VRK2: variants seen among roughly 807,000 people sequenced by gnomAD.
The protein encoded by VRK2 is serine/threonine-protein kinase VRK2.
In VRK2, 60 loss-of-function variants were observed where a neutral mutation model predicts 57.6. That is an observed-to-expected ratio of 1.04 (90% confidence interval 0.85 to 1.29). The LOEUF is 1.29. VRK2 is among the 50% of genes most tolerant of loss of function. VRK2 has a pLI of 0.00. For missense variants in VRK2, 705 were observed against 588.1 expected, an observed-to-expected ratio of 1.20 and a Z score of -2.06; for synonymous variants, 231 against 199.2, an observed-to-expected ratio of 1.16 and a Z score of -1.35.
chr2:57,993,834 A>G (rs911866265), intron 1 of VRK2, among the ~76,000 whole-genome samples: 6 of 152,222 alleles, frequency 3.9e-5, no homozygotes, highest in African/African-American at 1.4e-4. Context: ...GCATAGCAAC[A>G]TCAGGGTATG....
At chr2:57,965,263 A>G (rs1236488862) in intron 1 of VRK2, among the ~76,000 whole-genome samples, 2 of 152,226 alleles carry the variant, frequency 1.3e-5, no homozygotes, top group Admixed American at 1.3e-4. Flanking sequence ...AGTCCTGGAG[A>G]TATTTTTCTG....
intron 1 of VRK2, among the ~76,000 whole-genome samples, chr2:57,930,021 C>G (rs1189370060): frequency 6.6e-6 from 1 of 152,040 alleles, no homozygotes; most frequent in African/African-American, 2.4e-5. Flanking sequence ...GCTGCACCAC[C>G]TGGGGCTGGG....
chr2:58,055,147 T>C (rs1676326074), intron 2 of VRK2, among the ~76,000 whole-genome samples: 1 of 152,172 alleles, frequency 6.6e-6, no homozygotes, highest in Admixed American at 6.5e-5. Context: ...GAAGTGACTT[T>C]TGCTGCGTTC....
chr2:58,089,666 T>C lies in VRK2; in HGVS notation c.486T>C (p.Tyr162=). 6.2e-7 allele frequency: 1 copy of C among 1,607,554 alleles called. No individual in the cohort carries two copies. The highest frequency in any genetic ancestry group is 8.5e-7 in the Non-Finnish European group (1 of 1,176,070). ...TGGAATATATACATGAAAATGAATA[T>C]GTTCATGGTGATATAAAAGCAGCAA... is the stretch of plus-strand genomic sequence containing the variant. The part of the protein sequence containing the change: ...DVLEYIHENE[Y]VHGDIKAANL... Residue 162 remains tyrosine (Y), a synonymous_variant, in exon 7 of 13, where the codon TAT becomes TAC. Transcript: ENST00000340157.
intron 7 of VRK2, among the ~76,000 whole-genome samples, chr2:58,117,651 C>G (rs1215815298): frequency 6.6e-6 from 1 of 151,800 alleles, no homozygotes; most frequent in African/African-American, 2.4e-5. Flanking sequence ...CCATTTGCCC[C>G]TTTTACGACA....
At chr2:58,072,619 G>T (rs1422493598) in intron 2 of VRK2, among the ~76,000 whole-genome samples, 1 of 151,870 alleles carries the variant, frequency 6.6e-6, no homozygotes, top group Non-Finnish European at 1.5e-5. Context: ...CCATTAAGTT[G>T]TGGTGTTTAA....
chr2:58,143,975 A>G (rs894510621), intron 11 of VRK2, among the ~76,000 whole-genome samples: 2 of 151,482 alleles, frequency 1.3e-5, no homozygotes, highest in African/African-American at 2.4e-5. Context: ...ATATATATGT[A>G]TATATGCACA....
At chr2:58,095,415 T>G (rs748828685) in intron 7 of VRK2, among the ~76,000 whole-genome samples, 1 of 152,098 alleles carries the variant, frequency 6.6e-6, no homozygotes, top group East Asian at 1.9e-4. Context: ...GAACAAGGAA[T>G]GTTTCTGTTT....
At chr2:58,089,403 C>G (rs529781370) in intron 6 of VRK2, among the ~76,000 whole-genome samples, 2 of 152,062 alleles carry the variant, frequency 1.3e-5, no homozygotes, top group Admixed American at 1.3e-4. Flanking sequence ...GATTTTCTTC[C>G]TTTGGAACTT....
At chr2:57,939,056 G>C (rs144986270) in intron 1 of VRK2, among the ~76,000 whole-genome samples, 2 of 152,222 alleles carry the variant, frequency 1.3e-5, no homozygotes, top group Non-Finnish European at 2.9e-5. Context: ...GTTTGAAGAG[G>C]GATCTGGAAG....
intron 9 of VRK2, among the ~76,000 whole-genome samples, chr2:58,133,373 G>A (rs1033918593): frequency 6.6e-6 from 1 of 152,028 alleles, no homozygotes; most frequent in Non-Finnish European, 1.5e-5. Flanking sequence ...CTATAGACTA[G>A]TAAAGCCAAT....
chr2:58,084,935 G>A lies in VRK2; in HGVS notation c.241G>A (p.Ala81Thr), dbSNP rs1197962100. 7 of 1,584,334 alleles carry A rather than the reference G, an allele frequency of 4.4e-6. No individual in the cohort carries two copies. In the African/African-American group the frequency reaches 5.5e-5, roughly 12 times the overall value. The change falls in exon 4 of 13, where the codon GCA becomes ACA. Residue 81 changes from alanine to threonine, a missense_variant. By Grantham distance (58) the Ala-to-Thr change is moderately conservative. Coordinates refer to ENST00000340157, the MANE Select transcript of VRK2 (RefSeq NM_006296.7). ...FSELKFYQRVAKKDCIKKWIE... is the reference protein window; with the variant it reads ...FSELKFYQRVTKKDCIKKWIE... ...AGAACTTAAATTTTATCAGAGAGTT[G>A]CAAAAAAAGACTGTAGTAAGTAAAA...
chr2:57,977,866 G>T (rs943769417), intron 1 of VRK2, among the ~76,000 whole-genome samples: 1 of 151,076 alleles, frequency 6.6e-6, no homozygotes, highest in African/African-American at 2.5e-5. Flanking sequence ...GTCAGAGATG[G>T]CTCTTATCAT....
intron 1 of VRK2, among the ~76,000 whole-genome samples, chr2:57,917,110 G>A (rs1417896011): frequency 6.6e-6 from 1 of 152,142 alleles, no homozygotes; most frequent in Non-Finnish European, 1.5e-5. Flanking sequence ...AATTTGGTCA[G>A]GAAGTCATTT....
At position 58,137,242 on chromosome 2, in the gene VRK2, CATATATATGATATATATG is replaced by C. The variant is rs1237246711; in HGVS notation, c.856+2053_856+2070del. ...TATATATCATATGATACATATATATCATATATATGATATATATGATATATATGTGTTTGTATATATATC... is the reference window on the plus strand; with the variant it reads ...TATATATCATATGATACATATATATCATATATATGTGTTTGTATATATATC... On this transcript the variant is annotated intron_variant, in intron 10 of 12. Transcript: ENST00000340157. Among the ~76,000 whole-genome samples, 201 of 119,024 alleles carry C rather than the reference CATATATATGATATATATG, an allele frequency of 1.7e-3. 2 individuals are homozygous for C. The highest frequency in any genetic ancestry group is 7.6e-3 in the African/African-American group (195 of 25,586). 78.1% of individuals were successfully genotyped at this position (119,024 alleles called of 152,430 possible).
At chr2:57,956,844 A>G (rs536420690) in intron 1 of VRK2, among the ~76,000 whole-genome samples, 1 of 152,320 alleles carries the variant, frequency 6.6e-6, no homozygotes, top group Non-Finnish European at 1.5e-5. Flanking sequence ...ACACAGTTTT[A>G]AAATGTCTGC....
At chr2:57,994,868 T>C (rs1224910906) in intron 1 of VRK2, among the ~76,000 whole-genome samples, 1 of 151,952 alleles carries the variant, frequency 6.6e-6, no homozygotes, top group African/African-American at 2.4e-5. Flanking sequence ...AAAAAATTAA[T>C]GAGAATGACA....
intron 1 of VRK2, among the ~76,000 whole-genome samples, chr2:57,944,860 G>A (rs183130859): frequency 3.3e-5 from 5 of 151,988 alleles, no homozygotes; most frequent in Non-Finnish European, 7.4e-5. Flanking sequence ...GGAAAAAGAA[G>A]AAAAACGTGG....
At chr2:58,115,737 G>A (rs1055041690) in intron 7 of VRK2, among the ~76,000 whole-genome samples, 6 of 151,652 alleles carry the variant, frequency 4.0e-5, no homozygotes, top group African/African-American at 1.2e-4. Flanking sequence ...GGTAACAGAT[G>A]AGGATGAAAT....
Sources: gnomAD v4.1 joint callset for allele counts (sites outside exome capture counted in the v4.1 genomes callset) on GRCh38, gnomAD v4.1.1 for gene constraint, MANE v1.5 for transcripts, NCBI Gene and HGNC (gene_info 2026-07-23, HGNC 2026-07-21) for gene names.